SLC3A1: variants seen among roughly 807,000 people sequenced by gnomAD.
SLC3A1 encodes the protein solute carrier family 3 member 1, also known as amino acid transporter heavy chain SLC3A1.
Under a neutral mutation model 60.3 loss-of-function variants are expected in SLC3A1, and 78 were observed. The ratio of observed to expected loss-of-function variants is 1.29; its 90% CI spans 1.08 to 1.56. SLC3A1 has a LOEUF of 1.56. Among genes scored for constraint, SLC3A1 ranks in the 40% most tolerant of loss-of-function variants. The probability of loss-of-function intolerance (pLI) is 0.00; values close to 1 mark genes in which losing one functional copy is unlikely to be tolerated. For synonymous variants in SLC3A1, 392 were observed against 307.9 expected, an observed-to-expected ratio of 1.27 and a Z score of -2.86; for missense variants, 1,172 against 858.9, an observed-to-expected ratio of 1.36 and a Z score of -4.56.
At chr2:44,322,151 C>G (rs1673030750), downstream of SLC3A1, among the ~76,000 whole-genome samples, 2 of 152,144 alleles carry the variant, frequency 1.3e-5, no homozygotes, top group East Asian at 1.9e-4. Context: ...GGTTGAAACC[C>G]AGGAGATCAT....
rs749464717 is a variant in SLC3A1, at chr2:44,304,261, G to C, written c.1255G>C (p.Val419Leu). 6.2e-7 allele frequency: 1 copy of C among 1,614,168 alleles called. No individual in the cohort carries two copies. Among genetic ancestry groups the C allele is most frequent in the East Asian group, 2.2e-5 (1 of 44,884 alleles). Reference protein sequence around the residue: ...FNNYLSMLDTVSGNSVYEVIT... With the variant: ...FNNYLSMLDTLSGNSVYEVIT... The stretch of plus-strand genomic sequence containing the variant: ...CAATTACCTCAGCATGCTAGACACT[G>C]TTTCTGGGAACAGCGTGTATGAGGT... The change falls in exon 7 of 10, where the codon GTT becomes CTT. Residue 419 changes from valine to leucine, a missense_variant. Physicochemically the swap from Val to Leu is conservative, Grantham distance 32. Coordinates refer to ENST00000260649, the MANE Select transcript of SLC3A1 (RefSeq NM_000341.4).
chr2:44,316,599 G>A (rs973865792), intron 9 of SLC3A1, among the ~76,000 whole-genome samples: 1 of 152,156 alleles, frequency 6.6e-6, no homozygotes, highest in African/African-American at 2.4e-5. Context: ...GATAAAGGAA[G>A]ACTTTGTCTT....
rs200891105 is a variant in SLC3A1, at chr2:44,314,332, G to GATCA, written c.1617+391_1617+394dup. 1.5e-3 allele frequency: 674 copies of GATCA among 462,966 alleles called. 11 individuals are homozygous for GATCA. The East Asian group carries it at 0.018, about 12-fold the overall frequency. 28.7% of individuals were successfully genotyped at this position (462,966 alleles called of 1,614,324 possible). ...TAGGCAGCCATGCAGGCAGTAAGGA[G>GATCA]ATCAATCAATCAACCCAGAGCAAGG... On this transcript the variant is annotated intron_variant, in intron 9 of 9. Coordinates refer to ENST00000260649, the MANE Select transcript of SLC3A1 (RefSeq NM_000341.4).
downstream of SLC3A1, chr2:44,321,791 G>C: frequency 6.2e-7 from 1 of 1,613,642 alleles, no homozygotes; most frequent in Non-Finnish European, 8.5e-7. Flanking sequence ...TATCTAGTTC[G>C]GGAATCTGTC....
chr2:44,277,702 C>G (rs1327921907), intron 1 of SLC3A1, among the ~76,000 whole-genome samples: 1 of 152,160 alleles, frequency 6.6e-6, no homozygotes, highest in African/African-American at 2.4e-5. Flanking sequence ...AGCCCTAAAT[C>G]CAGAGATATG....
At chr2:44,318,064 T>C (rs1033974385) in intron 9 of SLC3A1, 4 of 435,304 alleles carry the variant, frequency 9.2e-6, no homozygotes, top group Non-Finnish European at 1.8e-5. Flanking sequence ...TTTGCACATG[T>C]GCACAATAAT....
chr2:44,320,185 T>A lies in SLC3A1; in HGVS notation c.1618-14T>A. ...GAATCAAACACTTACGTAAATACTT[T>A]TTTAAAAAAATAGGTCCAAAAGACT... On this transcript the variant is annotated splice_polypyrimidine_tract_variant and intron_variant, in intron 9 of 9. Transcript: ENST00000260649. 1.2e-6 allele frequency: 2 copies of A among 1,604,916 alleles called. No individual in the cohort carries two copies. The highest frequency in any genetic ancestry group is 1.7e-6 in the Non-Finnish European group (2 of 1,172,540).
intron 5 of SLC3A1, among the ~76,000 whole-genome samples, chr2:44,300,474 T>G (rs113346683): frequency 7.0e-4 from 107 of 152,294 alleles, no homozygotes; most frequent in Non-Finnish European, 1.2e-3. Flanking sequence ...TCTAGGAGAT[T>G]ATTGTCATCC....
intron 7 of SLC3A1, among the ~76,000 whole-genome samples, chr2:44,307,331 C>T (rs976205792): frequency 3.3e-5 from 5 of 152,158 alleles, no homozygotes; most frequent in African/African-American, 7.2e-5. Context: ...AACATGTTTT[C>T]AATTCTCTCT....
intron 7 of SLC3A1, among the ~76,000 whole-genome samples, chr2:44,308,853 C>T (rs546279444): frequency 6.6e-6 from 1 of 152,102 alleles, no homozygotes; most frequent in East Asian, 1.9e-4. Context: ...CTGTATCAGC[C>T]TCCCAAATAG....
At chr2:44,306,590 G>A (rs1042092281) in intron 7 of SLC3A1, among the ~76,000 whole-genome samples, 1 of 117,816 alleles carries the variant, frequency 8.5e-6, no homozygotes, top group Non-Finnish European at 1.6e-5. Context: ...AGTTTTGCTC[G>A]TTACCCAGGC....
chr2:44,312,478 G>A, intron 7 of SLC3A1, 108 bp from the exon 8 acceptor site: 2 of 1,185,608 alleles, frequency 1.7e-6, no homozygotes, highest in Non-Finnish European at 2.5e-6. Context: ...TAGTACCAAG[G>A]TACCACATCT....
At chr2:44,299,927 T>A (rs1671959315) in intron 4 of SLC3A1, 44 bp from the exon 5 acceptor site, 1 of 1,606,372 alleles carries the variant, frequency 6.2e-7, no homozygotes, top group South Asian at 1.1e-5. Context: ...GTTGTGATAA[T>A]AACGTAGTTA....
chr2:44,277,900 T>C (rs571861418), intron 1 of SLC3A1, among the ~76,000 whole-genome samples: 11 of 152,280 alleles, frequency 7.2e-5, no homozygotes, highest in African/African-American at 2.6e-4. Flanking sequence ...ATTGTTGTTA[T>C]TATGAAGATC....
chr2:44,287,734 G>A (rs979404016), intron 4 of SLC3A1, among the ~76,000 whole-genome samples: 1 of 152,048 alleles, frequency 6.6e-6, no homozygotes, highest in African/African-American at 2.4e-5. Context: ...TGGCTACAGT[G>A]GGCAGAAACT....
At chr2:44,294,640 C>T (rs965452174) in intron 4 of SLC3A1, among the ~76,000 whole-genome samples, 9 of 152,142 alleles carry the variant, frequency 5.9e-5, no homozygotes, top group African/African-American at 2.2e-4. Flanking sequence ...CTATGTCATG[C>T]AGCTGGACAG....
At chr2:44,313,660 A>G (rs1001768279) in intron 8 of SLC3A1, among the ~76,000 whole-genome samples, 175 bp from the exon 9 acceptor site, 1 of 152,236 alleles carries the variant, frequency 6.6e-6, no homozygotes, top group Admixed American at 6.5e-5. Flanking sequence ...TCTAGTTAAA[A>G]GGGTGAAACT....
chr2:44,301,338 A>G (rs1672001519), intron 6 of SLC3A1: 1 of 667,338 alleles, frequency 1.5e-6, no homozygotes. Context: ...TTGTAAAATG[A>G]TGCAGATCAC....
At chr2:44,301,390 A>G (rs1672003667) in intron 6 of SLC3A1, 2 of 604,656 alleles carry the variant, frequency 3.3e-6, no homozygotes, top group African/African-American at 3.7e-5. Flanking sequence ...TAGGTTAATG[A>G]AAAAGAGATT....
Sources: allele counts gnomAD v4.1 joint callset (sites outside exome capture counted in the v4.1 genomes callset), GRCh38; gene constraint gnomAD v4.1.1; transcripts MANE v1.5; gene names NCBI Gene and HGNC (gene_info 2026-07-23, HGNC 2026-07-21).